Variants in MAP2 observed in about 807,000 individuals in gnomAD.
MAP2 encodes the protein microtubule-associated protein 2.
In MAP2, 14 loss-of-function variants were observed where a neutral mutation model predicts 137.6. The ratio of observed to expected loss-of-function variants is 0.10; its 90% CI spans 0.07 to 0.16. MAP2 has a LOEUF of 0.16. Ranked by LOEUF, MAP2 falls within the 10% of genes least tolerant of loss-of-function variation. The probability of loss-of-function intolerance (pLI) is 1.00; values close to 1 mark genes in which losing one functional copy is unlikely to be tolerated. For synonymous variants in MAP2, 786 were observed against 782.3 expected (o/e 1.00, Z -0.08); for missense variants, 2,088 against 2,191.5 (o/e 0.95, Z 0.94).
chr2:209,711,426 C>T (rs972417960), intron 13 of MAP2, among the ~76,000 whole-genome samples: 3 of 152,002 alleles, frequency 2.0e-5, no homozygotes, highest in Admixed American at 1.3e-4. Flanking sequence ...AAGGGAAAGC[C>T]CAAAGAGTTA....
At chr2:209,617,316 T>A (rs1311912217) in intron 3 of MAP2, among the ~76,000 whole-genome samples, 1 of 151,944 alleles carries the variant, frequency 6.6e-6, no homozygotes, top group Non-Finnish European at 1.5e-5. Flanking sequence ...AGTGAGGGGG[T>A]TATGGGTGAA....
intron 5 of MAP2, among the ~76,000 whole-genome samples, chr2:209,670,303 C>T (rs1362712781): frequency 6.6e-6 from 1 of 151,918 alleles, no homozygotes; most frequent in Non-Finnish European, 1.5e-5. Context: ...AAACCACCAC[C>T]AGCAGAACAC....
intron 3 of MAP2, among the ~76,000 whole-genome samples, chr2:209,606,769 C>T (rs137953979): frequency 0.024 from 3,668 of 152,168 alleles, 76 homozygotes; most frequent in Middle Eastern, 0.048. Context: ...TATATGAGCC[C>T]TGCTTGGAGC....
At chr2:209,459,887 C>T (rs1402831372) in intron 1 of MAP2, among the ~76,000 whole-genome samples, 1 of 152,118 alleles carries the variant, frequency 6.6e-6, no homozygotes, top group Non-Finnish European at 1.5e-5. Context: ...GTACTTGAAA[C>T]CCTCTCAGGC....
intron 2 of MAP2, among the ~76,000 whole-genome samples, chr2:209,509,584 TA>T (rs921386709): frequency 6.6e-6 from 1 of 151,940 alleles, no homozygotes; most frequent in Non-Finnish European, 1.5e-5. Context: ...TTAGATGTAG[TA>T]AGTCTCTTAA....
At chr2:209,512,926 CATG>C (rs1353801206) in intron 2 of MAP2, among the ~76,000 whole-genome samples, 1 of 152,130 alleles carries the variant, frequency 6.6e-6, no homozygotes, top group Non-Finnish European at 1.5e-5. Flanking sequence ...AGATTACAGG[CATG>C]AGACACTGCA....
At chr2:209,464,660 A>G (rs1703688021) in intron 1 of MAP2, among the ~76,000 whole-genome samples, 2 of 152,104 alleles carry the variant, frequency 1.3e-5, no homozygotes, top group Non-Finnish European at 2.9e-5. Flanking sequence ...TAACACATTA[A>G]TAATAAAATT....
chr2:209,712,905 G>A (rs2066000332), intron 13 of MAP2, among the ~76,000 whole-genome samples: 1 of 152,116 alleles, frequency 6.6e-6, no homozygotes, highest in South Asian at 2.1e-4. Context: ...CTAGCACATT[G>A]TTCTCAATTG....
chr2:209,565,671 T>A (rs2073245644), intron 2 of MAP2, among the ~76,000 whole-genome samples: 1 of 152,208 alleles, frequency 6.6e-6, no homozygotes, highest in Non-Finnish European at 1.5e-5. Context: ...AATTTTGTGA[T>A]CTTTCTCTCT....
At chr2:209,437,417 A>G (rs11898015) in intron 1 of MAP2, among the ~76,000 whole-genome samples, 25,163 of 151,592 alleles carry the variant, frequency 0.17, 2,553 homozygotes, top group African/African-American at 0.28. Context: ...TTCTCATTCA[A>G]ACTGAAATCT....
rs560874431 is a variant in MAP2, at chr2:209,728,545, A to G, written c.5156-1305A>G. Reference sequence around the variant, plus strand: ...AATCTAATTATGTAATATAATTTCAAGAGGCCCCTGGCCAGGCAGTTGGGT... The same window carrying G: ...AATCTAATTATGTAATATAATTTCAGGAGGCCCCTGGCCAGGCAGTTGGGT... On this transcript the variant is annotated intron_variant, in intron 14 of 15. Transcript: ENST00000682079. Among the ~76,000 whole-genome samples, 3 of 152,360 alleles carry G rather than the reference A, an allele frequency of 2.0e-5. No homozygotes were observed. In the South Asian group the frequency reaches 6.2e-4, roughly 32 times the overall value.
intron 2 of MAP2, among the ~76,000 whole-genome samples, chr2:209,548,575 T>C (rs2068541514): frequency 6.6e-6 from 1 of 152,202 alleles, no homozygotes; most frequent in South Asian, 2.1e-4. Context: ...AATTGTTCAA[T>C]GATACCATAA....
intron 4 of MAP2, among the ~76,000 whole-genome samples, chr2:209,629,267 T>A (rs2092731780): frequency 6.6e-6 from 1 of 152,182 alleles, no homozygotes; most frequent in Non-Finnish European, 1.5e-5. Context: ...CAGAATAGAT[T>A]TATATCTCTT....
intron 1 of MAP2, among the ~76,000 whole-genome samples, chr2:209,501,414 T>A (rs1380501374): frequency 6.6e-6 from 1 of 152,112 alleles, no homozygotes; most frequent in Non-Finnish European, 1.5e-5. Context: ...ACAATATGAT[T>A]TATAATATGG....
chr2:209,425,133 G>GA (rs917469474), intron 1 of MAP2, among the ~76,000 whole-genome samples: 3 of 151,738 alleles, frequency 2.0e-5, no homozygotes, highest in African/African-American at 7.3e-5. Flanking sequence ...GATGGAGTCA[G>GA]AAAAAAAATC....
chr2:209,563,107 G>A (rs543888940), intron 2 of MAP2, among the ~76,000 whole-genome samples: 2 of 152,290 alleles, frequency 1.3e-5, no homozygotes, highest in South Asian at 4.1e-4. Context: ...CCTTGTCTCT[G>A]CTGTAGAATC....
intron 1 of MAP2, among the ~76,000 whole-genome samples, chr2:209,470,000 A>G (rs1455242143): frequency 2.0e-5 from 3 of 152,184 alleles, no homozygotes; most frequent in Non-Finnish European, 1.5e-5. Flanking sequence ...ATACTCAAGA[A>G]CTACTGGTTT....
intron 1 of MAP2, among the ~76,000 whole-genome samples, chr2:209,466,086 A>G (rs1704061683): frequency 6.6e-6 from 1 of 152,176 alleles, no homozygotes; most frequent in Admixed American, 6.5e-5. Context: ...GGTTTGTGTT[A>G]AAGTCCCATG....
At chr2:209,516,075 G>A (rs912361432) in intron 2 of MAP2, among the ~76,000 whole-genome samples, 2 of 152,084 alleles carry the variant, frequency 1.3e-5, no homozygotes, top group South Asian at 2.1e-4. Context: ...GATTACAGGC[G>A]TGAGCCACTG....
Sources: gnomAD v4.1 joint callset for allele counts (sites outside exome capture counted in the v4.1 genomes callset) on GRCh38, gnomAD v4.1.1 for gene constraint, MANE v1.5 for transcripts, NCBI Gene and HGNC (gene_info 2026-07-23, HGNC 2026-07-21) for gene names.